The following VCX2 variants were observed in gnomAD, a reference collection of about 807,000 sequenced individuals.
VCX2 encodes the protein variable charge X-linked protein 2.
For missense variants in VCX2, 83 were observed against 116.6 expected (o/e 0.71, Z 1.33); for synonymous variants, 37 against 53.9 (o/e 0.69, Z 1.38).
Position 8,170,285 on chromosome X carries a change from G to T in VCX2, c.167C>A (p.Ala56Glu). The change falls in exon 3 of 3, where the codon GCG (alanine) becomes GAG (glutamate). Residue 56 changes from alanine (A) to glutamate (E), a missense_variant. Physicochemically the swap from Ala to Glu is moderately radical, Grantham distance 107. Transcript: ENST00000317103. ...RRGRRGKKGA[A>E]TKMAAVTAPE... ...TGCCGTCACGGCCGCCATCTTTGTC[G>T]CAGCCCCTTTCTTCCCGCGTCTCCC... 1 of 1,074,803 alleles carries T rather than the reference G, an allele frequency of 9.3e-7. No individual in the cohort carries two copies. Among genetic ancestry groups the T allele is most frequent in the South Asian group, 2.0e-5 (1 of 51,216 alleles). 88.6% of individuals were successfully genotyped at this position (1,074,803 alleles called of 1,213,427 possible).
rs1195152975 is a variant in VCX2, at chrX:8,171,258, G to A, written c.-298C>T. 9.1e-6 allele frequency: 1 copy of A among 110,119 alleles called. No homozygotes were observed. The highest frequency in any genetic ancestry group is 3.3e-5 in the African/African-American group (1 of 29,938). The allele number at this position is 110,119 out of a possible 1,213,427, so 9.1% of individuals were successfully genotyped here. A position where few individuals can be genotyped will look rare whatever the true frequency, so the allele number is the denominator to read the frequency against. ...TTTTCCATCTCACATACTTCTCCCA[G>A]CATCCACATAGTGCCTCACAATTTT... is the stretch of plus-strand genomic sequence containing the variant. On this transcript the variant is annotated 5_prime_UTR_variant, in exon 1 of 3. Coordinates refer to ENST00000317103, the MANE Select transcript of VCX2 (RefSeq NM_016378.3).
Position 8,170,055 on chromosome X carries a change from G to A in VCX2, c.397C>T (p.Pro133Ser). Residue 133 changes from proline to serine, a missense_variant, in exon 3 of 3, where the codon CCT (proline) becomes TCT (serine). Pro to Ser is a moderately conservative substitution (Grantham distance 74). Coordinates refer to ENST00000317103, the MANE Select transcript of VCX2 (RefSeq NM_016378.3). The stretch of plus-strand genomic sequence containing the variant: ...ACTTAGTCGGTGCTCTCGGAGACAG[G>A]GGAAAAGCTGGCCATCCACACAGTC... ...PLTVWMASFS[P>S]VSESTD 8.3e-7 allele frequency: 1 copy of A among 1,204,170 alleles called. No homozygotes were observed. The highest frequency in any genetic ancestry group is 1.1e-6 in the Non-Finnish European group (1 of 893,702).
chrX:8,170,179 C>T lies in VCX2; in HGVS notation c.273G>A (p.Pro91=), dbSNP rs369359697. Residue 91 remains proline (P), a synonymous_variant, in exon 3 of 3, where the codon CCG becomes CCA. Coordinates refer to ENST00000317103, the MANE Select transcript of VCX2 (RefSeq NM_016378.3). ...SQELPQHELP[P]EEPVSEGTQH... ...GGGTCCCCTCGCTCACTGGCTCCTC[C>T]GGCGGCAGCTCGTGCTGAGGGAGCT... 195 of 1,137,809 alleles carry T rather than the reference C, an allele frequency of 1.7e-4. No individual in the cohort carries two copies. The African/African-American group carries it at 1.9e-3, about 11-fold the overall frequency. 93.8% of individuals were successfully genotyped at this position (1,137,809 alleles called of 1,213,427 possible).
Position 8,170,067 on chromosome X carries a change from C to A in VCX2, c.385G>T (p.Ala129Ser). Residue 129 changes from alanine to serine, a missense_variant, in exon 3 of 3, where the codon GCC becomes TCC. Coordinates refer to ENST00000317103, the MANE Select transcript of VCX2 (RefSeq NM_016378.3). ...CTCTCGGAGACAGGGGAAAAGCTGGCCATCCACACAGTCAGTGGTTCTTCC... is the reference window on the plus strand; with the variant it reads ...CTCTCGGAGACAGGGGAAAAGCTGGACATCCACACAGTCAGTGGTTCTTCC... The part of the protein sequence containing the change: ...EVEEPLTVWM[A>S]SFSPVSESTD 5 of 1,203,400 alleles carry A rather than the reference C, an allele frequency of 4.2e-6. No homozygotes were observed. The highest frequency in any genetic ancestry group is 5.6e-6 in the Non-Finnish European group (5 of 893,477).
Position 8,170,225 on chromosome X carries a change from G to C in VCX2, c.227C>G (p.Pro76Arg), listed in dbSNP as rs757291404. ...GAGCTCCTGGCTGGGCTGGTCGCTGGGGCCGGGTGCCGCTGGCGCGCTCTC... is the reference window on the plus strand; with the variant it reads ...GAGCTCCTGGCTGGGCTGGTCGCTGCGGCCGGGTGCCGCTGGCGCGCTCTC... ...EAESAPAAPG[P>R]SDQPSQELPQ... Residue 76 changes from proline (P) to arginine (R), a missense_variant, in exon 3 of 3, where the codon CCC (proline) becomes CGC (arginine). Transcript: ENST00000317103. 1 of 1,125,867 alleles carries C rather than the reference G, an allele frequency of 8.9e-7. No individual in the cohort carries two copies. The highest frequency in any genetic ancestry group is 2.7e-5 in the African/African-American group (1 of 37,543). 92.8% of individuals were successfully genotyped at this position (1,125,867 alleles called of 1,213,427 possible).
rs1397014772 is a variant in VCX2 at position 8,169,996 on chromosome X, G to C, written c.*36C>G. ...TCTTCAGAATGGCAAGCACCCCGCT[G>C]GTGAGATCTCTGAGGTCTGGCGGCT... On this transcript the variant is annotated 3_prime_UTR_variant, in exon 3 of 3. Transcript: ENST00000317103. 5.9e-6 allele frequency: 7 copies of C among 1,185,062 alleles called. No homozygotes were observed. Among genetic ancestry groups the C allele is most frequent in the Non-Finnish European group, 7.9e-6 (7 of 886,008 alleles).
Position 8,170,019 on chromosome X carries a change from G to T in VCX2, c.*13C>A. ...CTGGTGAGATCTCTGAGGTCTGGCG[G>T]CTGGGCCTGAACTTAGTCGGTGCTC... On this transcript the variant is annotated 3_prime_UTR_variant, in exon 3 of 3. Coordinates refer to ENST00000317103, the MANE Select transcript of VCX2 (RefSeq NM_016378.3). The T allele has an allele frequency of 8.4e-7, 1 of 1,196,438 alleles. No homozygotes were observed. The highest frequency in any genetic ancestry group is 1.1e-6 in the Non-Finnish European group (1 of 891,165).
rs761563203 is a variant in VCX2 at position 8,170,022 on chromosome X, G to T, written c.*10C>A. 17 of 1,185,796 alleles carry T rather than the reference G, an allele frequency of 1.4e-5. No individual in the cohort carries two copies. The highest frequency in any genetic ancestry group is 1.9e-5 in the Non-Finnish European group (17 of 887,405). On this transcript the variant is annotated 3_prime_UTR_variant, in exon 3 of 3. Coordinates refer to ENST00000317103, the MANE Select transcript of VCX2 (RefSeq NM_016378.3). ...GTGAGATCTCTGAGGTCTGGCGGCT[G>T]GGCCTGAACTTAGTCGGTGCTCTCG...
rs764023706 is a variant in VCX2, at chrX:8,170,084, G to A, written c.368C>T (p.Pro123Leu). 1.7e-6 allele frequency: 2 copies of A among 1,198,285 alleles called. No individual in the cohort carries two copies. The highest frequency in any genetic ancestry group is 2.2e-6 in the Non-Finnish European group (2 of 891,058). ...PLSQESEVEE[P>L]LTVWMASFSP... ...AAAGCTGGCCATCCACACAGTCAGT[G>A]GTTCTTCCACCTCGCTCTCCTGACT... The change falls in exon 3 of 3, where the codon CCA (proline) becomes CTA (leucine). Residue 123 changes from proline (P) to leucine (L), a missense_variant. Coordinates refer to ENST00000317103, the MANE Select transcript of VCX2 (RefSeq NM_016378.3).
rs868104139 is a variant in VCX2, at chrX:8,171,147, T to C, written c.-187A>G. On this transcript the variant is annotated 5_prime_UTR_variant, in exon 1 of 3. Coordinates refer to ENST00000317103, the MANE Select transcript of VCX2 (RefSeq NM_016378.3). The stretch of plus-strand genomic sequence containing the variant: ...GCTAACTGGGATGGATGGAGGGCTA[T>C]ACGAAGACGTCAATCATCCCTCTCT... The C allele has an allele frequency of 0.012, 1,664 of 134,904 alleles. No individual in the cohort carries two copies. Among genetic ancestry groups the C allele is most frequent in the East Asian group, 0.033 (180 of 5,493 alleles). 11.1% of individuals were successfully genotyped at this position (134,904 alleles called of 1,213,427 possible).
Position 8,170,078 on chromosome X carries a change from G to C in VCX2, c.374C>G (p.Thr125Ser), listed in dbSNP as rs367654337. Reference protein sequence around the residue: ...SQESEVEEPLTVWMASFSPVS... With the variant: ...SQESEVEEPLSVWMASFSPVS... ...AGGGGAAAAGCTGGCCATCCACACA[G>C]TCAGTGGTTCTTCCACCTCGCTCTC... The change falls in exon 3 of 3, where the codon ACT (threonine) becomes AGT (serine). Residue 125 changes from threonine (T) to serine (S), a missense_variant. Coordinates refer to ENST00000317103, the MANE Select transcript of VCX2 (RefSeq NM_016378.3). The C allele has an allele frequency of 8.4e-5, 100 of 1,193,707 alleles. No homozygotes were observed. The highest frequency in any genetic ancestry group is 1.1e-4 in the Non-Finnish European group (98 of 890,324).
rs1489954503 is a variant in VCX2, at chrX:8,171,251, T to C, written c.-291A>G. ...AAACAACTTTTCCATCTCACATACT[T>C]CTCCCAGCATCCACATAGTGCCTCA... is the stretch of plus-strand genomic sequence containing the variant. On this transcript the variant is annotated 5_prime_UTR_variant, in exon 1 of 3. Transcript: ENST00000317103. 1 of 109,850 alleles carries C rather than the reference T, an allele frequency of 9.1e-6. No individual in the cohort carries two copies. The highest frequency in any genetic ancestry group is 1.9e-5 in the Non-Finnish European group (1 of 52,930). The allele number at this position is 109,850 out of a possible 1,213,427, so 9.1% of individuals were successfully genotyped here.
chrX:8,171,244 A>AC lies in VCX2; in HGVS notation c.-285dup, dbSNP rs1260710515. 2.7e-5 allele frequency: 3 copies of AC among 110,154 alleles called. No homozygotes were observed. The highest frequency in any genetic ancestry group is 5.7e-5 in the Non-Finnish European group (3 of 53,068). The allele number at this position is 110,154 out of a possible 1,213,427, so 9.1% of individuals were successfully genotyped here. A position where few individuals can be genotyped will look rare whatever the true frequency, so the allele number is the denominator to read the frequency against. ...TGCCATGAAACAACTTTTCCATCTC[A>AC]CATACTTCTCCCAGCATCCACATAG... On this transcript the variant is annotated 5_prime_UTR_variant, in exon 1 of 3. The change creates a premature stop within an existing upstream ORF in the 5' untranslated region. Transcript: ENST00000317103.
At position 8,169,987 on chromosome X, in the gene VCX2, C is replaced by T. The variant is rs1931487557; in HGVS notation, c.*45G>A. The T allele has an allele frequency of 8.6e-7, 1 of 1,168,863 alleles. No individual in the cohort carries two copies. Among genetic ancestry groups the T allele is most frequent in the Non-Finnish European group, 1.1e-6 (1 of 876,337 alleles). On this transcript the variant is annotated 3_prime_UTR_variant, in exon 3 of 3. Coordinates refer to ENST00000317103, the MANE Select transcript of VCX2 (RefSeq NM_016378.3). ...ATTTTATTATCTTCAGAATGGCAAGCACCCCGCTGGTGAGATCTCTGAGGT... is the reference window on the plus strand; with the variant it reads ...ATTTTATTATCTTCAGAATGGCAAGTACCCCGCTGGTGAGATCTCTGAGGT...
intron 1 of VCX2, 66 bp downstream of exon 1, chrX:8,171,041 T>C (rs4066719): frequency 1.0e-5 from 3 of 295,168 alleles, no homozygotes; most frequent in African/African-American, 2.6e-5. Flanking sequence ...CCCCCGGACC[T>C]CCCATTCAGT....
At position 8,170,034 on chromosome X, in the gene VCX2, A is replaced by C. The variant is rs1302467312; in HGVS notation, c.418T>G (p.Ter140GluextTer24). ...AGGTCTGGCGGCTGGGCCTGAACTTAGTCGGTGCTCTCGGAGACAGGGGAA... is the reference window on the plus strand; with the variant it reads ...AGGTCTGGCGGCTGGGCCTGAACTTCGTCGGTGCTCTCGGAGACAGGGGAA... ...SFSPVSESTD* is the reference protein window; with the variant it reads ...SFSPVSESTDE Residue 140 changes from the stop codon to glutamate, a stop_lost, in exon 3 of 3, where the codon TAA becomes GAA. Coordinates refer to ENST00000317103, the MANE Select transcript of VCX2 (RefSeq NM_016378.3). 1 of 1,199,904 alleles carries C rather than the reference A, an allele frequency of 8.3e-7. No homozygotes were observed. The highest frequency in any genetic ancestry group is 1.1e-6 in the Non-Finnish European group (1 of 892,392).
chrX:8,170,479 A>T, intron 2 of VCX2, 63 bp downstream of exon 2: 1 of 327,353 alleles, frequency 3.1e-6, no homozygotes, highest in Non-Finnish European at 4.7e-6. Context: ...TGACGACAGG[A>T]GAGGCTTCTT....
rs769935080 is a variant in VCX2 at position 8,170,147 on chromosome X, T to A, written c.305A>T (p.Asp102Val). ...CACCTCGCTCTCCTGACTCAGGGGG[T>A]CGTGCTGGGTCCCCTCGCTCACTGG... Reference protein sequence around the residue: ...EEPVSEGTQHDPLSQESEVEE... With the variant: ...EEPVSEGTQHVPLSQESEVEE... The change falls in exon 3 of 3, where the codon GAC becomes GTC. Residue 102 changes from aspartate to valine, a missense_variant. Coordinates refer to ENST00000317103, the MANE Select transcript of VCX2 (RefSeq NM_016378.3). 2 of 1,100,885 alleles carry A rather than the reference T, an allele frequency of 1.8e-6. No homozygotes were observed. The highest frequency in any genetic ancestry group is 5.2e-5 in the African/African-American group (2 of 38,236). 90.7% of individuals were successfully genotyped at this position (1,100,885 alleles called of 1,213,427 possible). A position where few individuals can be genotyped will look rare whatever the true frequency, so the allele number is the denominator to read the frequency against.
In VCX2 at chrX:8,170,047, G is replaced by T. The variant is rs77780768; in HGVS notation, c.405C>A (p.Ser135=). ...GGGCCTGAACTTAGTCGGTGCTCTC[G>T]GAGACAGGGGAAAAGCTGGCCATCC... ...TVWMASFSPV[S]ESTD is the part of the protein sequence containing the mutation. The change falls in exon 3 of 3, where the codon TCC becomes TCA. Residue 135 remains serine, a synonymous_variant. Coordinates refer to ENST00000317103, the MANE Select transcript of VCX2 (RefSeq NM_016378.3). The T allele has an allele frequency of 1.5e-4, 185 of 1,193,547 alleles. No individual in the cohort carries two copies. The highest frequency in any genetic ancestry group is 2.5e-4 in the Middle Eastern group (1 of 4,013).
Sources: allele counts gnomAD v4.1 joint callset, GRCh38; gene constraint gnomAD v4.1.1; transcripts MANE v1.5; gene names NCBI Gene and HGNC (gene_info 2026-07-23, HGNC 2026-07-21).